HAO1: variants seen among roughly 807,000 people sequenced by gnomAD.
HAO1 encodes the protein 2-Hydroxyacid oxidase 1.
A neutral mutation model predicts 39.7 loss-of-function variants in HAO1; 34 were observed. The observed-to-expected ratio is 0.86, with a 90% CI of 0.65 to 1.14. HAO1 has a LOEUF of 1.14. Among genes scored for constraint, HAO1 ranks in the 50% most tolerant of loss-of-function variants. The pLI, the probability that HAO1 is intolerant of heterozygous loss-of-function variation, is 0.00. For missense variants in HAO1, 479 were observed against 464.5 expected (o/e 1.03, Z -0.29); for synonymous variants, 172 against 173.2 (o/e 0.99, Z 0.05).
intron 2 of HAO1, among the ~76,000 whole-genome samples, chr20:7,915,067 C>T (rs897580543): frequency 6.6e-6 from 1 of 152,266 alleles, no homozygotes; most frequent in Admixed American, 6.5e-5. Context: ...TTGAAGTGAG[C>T]TGAGATTGCA....
intron 3 of HAO1, among the ~76,000 whole-genome samples, chr20:7,912,584 A>AC (rs2050285201): frequency 1.1e-5 from 1 of 92,542 alleles, no homozygotes; most frequent in Non-Finnish European, 2.0e-5. Context: ...AGTCTTTAAA[A>AC]AAAAAAAAAA....
intron 2 of HAO1, among the ~76,000 whole-genome samples, chr20:7,922,697 G>C (rs1395419482): frequency 3.3e-5 from 5 of 152,040 alleles, no homozygotes; most frequent in Non-Finnish European, 5.9e-5. Flanking sequence ...ATTTCCATGG[G>C]GGGAGCTGCA....
At position 7,883,804 on chromosome 20, in the gene HAO1, G is replaced by T. The variant is rs1035144491; in HGVS notation, c.1043-141C>A. 1.2e-4 allele frequency: 85 copies of T among 710,472 alleles called. 1 individual carries two copies. In the East Asian group the frequency reaches 1.5e-3, roughly 13 times the overall value. The allele number at this position is 710,472 out of a possible 1,614,324, so 44.0% of individuals were successfully genotyped here. On this transcript the variant is annotated intron_variant, in intron 7 of 7. Transcript: ENST00000378789. ...GCTTGCCAAATCTTATGTGGCATGA[G>T]ACCATTTTTTATTACCTAAACAGTC... is the stretch of plus-strand genomic sequence containing the variant.
chr20:7,899,400 G>A (rs1413877033), intron 4 of HAO1, among the ~76,000 whole-genome samples: 1 of 152,142 alleles, frequency 6.6e-6, no homozygotes, highest in Non-Finnish European at 1.5e-5. Flanking sequence ...AAAAAGATGA[G>A]TAGGTGGAGA....
chr20:7,923,188 G>T (rs1427980072), intron 2 of HAO1, among the ~76,000 whole-genome samples: 1 of 152,114 alleles, frequency 6.6e-6, no homozygotes, highest in African/African-American at 2.4e-5. Context: ...TACCTCTGGG[G>T]ACGCTAATCC....
chr20:7,908,121 G>T (rs958740604), intron 3 of HAO1, among the ~76,000 whole-genome samples: 8 of 152,244 alleles, frequency 5.3e-5, no homozygotes, highest in South Asian at 4.2e-4. Context: ...TGGGCGCAAT[G>T]GCTCATGCCT....
At chr20:7,898,248 A>G (rs1331365781) in intron 4 of HAO1, among the ~76,000 whole-genome samples, 1 of 152,082 alleles carries the variant, frequency 6.6e-6, no homozygotes, top group Non-Finnish European at 1.5e-5. Flanking sequence ...CTTGCAGACT[A>G]TATACCTACA....
At chr20:7,887,676 C>CA (rs934980370) in intron 5 of HAO1, among the ~76,000 whole-genome samples, 41 of 149,598 alleles carry the variant, frequency 2.7e-4, no homozygotes, top group East Asian at 7.8e-4. Flanking sequence ...AAACCAGAAC[C>CA]AAAAAAAAAT....
chr20:7,933,951 G>A (rs184957098), intron 2 of HAO1, among the ~76,000 whole-genome samples: 7 of 152,240 alleles, frequency 4.6e-5, no homozygotes, highest in African/African-American at 1.7e-4. Context: ...CCAAAACCAC[G>A]GAAGAAAACA....
At chr20:7,904,031 GA>G (rs2050236378) in intron 4 of HAO1, among the ~76,000 whole-genome samples, 1 of 152,096 alleles carries the variant, frequency 6.6e-6, no homozygotes, top group Non-Finnish European at 1.5e-5. Flanking sequence ...TGTAGAAAAT[GA>G]TATACACTGG....
At chr20:7,914,053 C>T (rs2050294024) in intron 3 of HAO1, 111 bp downstream of exon 3, 2 of 1,151,768 alleles carry the variant, frequency 1.7e-6, no homozygotes, top group Non-Finnish European at 2.5e-6. Flanking sequence ...ATGTGATTAG[C>T]TGAAGATTAA....
Position 7,885,769 on chromosome 20 carries a change from A to G in HAO1, c.909T>C (p.Ala303=). 1 of 1,613,780 alleles carries G rather than the reference A, an allele frequency of 6.2e-7. No individual in the cohort carries two copies. Among genetic ancestry groups the G allele is most frequent in the Non-Finnish European group, 8.5e-7 (1 of 1,179,676 alleles). ...ACACAGCCTTGGCGCCAAGAGCCAG[A>G]GCTTTCAGAACATCAGTGCCTTTCC... is the stretch of plus-strand genomic sequence containing the variant. ...GVRKGTDVLK[A]LALGAKAVFV... The change falls in exon 6 of 8, where the codon GCT becomes GCC. Residue 303 remains alanine, a synonymous_variant. Transcript: ENST00000378789.
chr20:7,925,829 C>T (rs2050356694), intron 2 of HAO1, among the ~76,000 whole-genome samples: 1 of 152,050 alleles, frequency 6.6e-6, no homozygotes, highest in Non-Finnish European at 1.5e-5. Flanking sequence ...GGTGCAAAAT[C>T]GTAGAAATCA....
intron 3 of HAO1, among the ~76,000 whole-genome samples, chr20:7,911,873 C>A (rs192758274): frequency 5.6e-4 from 86 of 152,372 alleles, no homozygotes; most frequent in Admixed American, 1.3e-3. Context: ...CAGGCTATAA[C>A]AGATGAGCTT....
intron 5 of HAO1, among the ~76,000 whole-genome samples, chr20:7,887,430 G>T (rs1352640443): frequency 6.6e-6 from 1 of 152,148 alleles, no homozygotes; most frequent in African/African-American, 2.4e-5. Context: ...GCTACAGATT[G>T]GAAGGAAGTG....
At chr20:7,893,032 C>T (rs990477908) in intron 5 of HAO1, among the ~76,000 whole-genome samples, 2 of 152,140 alleles carry the variant, frequency 1.3e-5, no homozygotes, top group African/African-American at 4.8e-5. Context: ...ATTGGCCTTT[C>T]TGCCTCTTGT....
chr20:7,905,325 G>C (rs2050242257), intron 4 of HAO1, among the ~76,000 whole-genome samples: 1 of 152,074 alleles, frequency 6.6e-6, no homozygotes, highest in Non-Finnish European at 1.5e-5. Context: ...TTTATAAATA[G>C]GGACCACATG....
chr20:7,898,553 G>T (rs575887444), intron 4 of HAO1, among the ~76,000 whole-genome samples: 1 of 152,020 alleles, frequency 6.6e-6, no homozygotes, highest in African/African-American at 2.4e-5. Context: ...CATCTCAAAC[G>T]TATTTCATAA....
At chr20:7,883,695 C>A in intron 7 of HAO1, 32 bp from the exon 8 acceptor site, 2 of 1,380,448 alleles carry the variant, frequency 1.4e-6, no homozygotes, top group Non-Finnish European at 2.1e-6. Context: ...TTAATATGAA[C>A]TGAATGCAAT....
Sources: allele counts gnomAD v4.1 joint callset (sites outside exome capture counted in the v4.1 genomes callset), GRCh38; gene constraint gnomAD v4.1.1; transcripts MANE v1.5; gene names NCBI Gene and HGNC (gene_info 2026-07-23, HGNC 2026-07-21).